AHNAK2: variants seen among roughly 807,000 people sequenced by gnomAD.
AHNAK2 encodes AHNAK nucleoprotein 2, also known as protein AHNAK2.
Under a neutral mutation model 30.7 loss-of-function variants are expected in AHNAK2, and 18 were observed. That is an observed-to-expected ratio of 0.59 (90% CI 0.41 to 0.87). AHNAK2 has a LOEUF of 0.87. Among genes scored for constraint, AHNAK2 ranks in the 40% least tolerant of loss-of-function variants. The pLI, the probability that AHNAK2 is intolerant of heterozygous loss-of-function variation, is 0.00. For missense variants in AHNAK2, 8,604 were observed against 7,373.0 expected, an observed-to-expected ratio of 1.17 and a Z score of -6.11; for synonymous variants, 3,590 against 3,073.8, an observed-to-expected ratio of 1.17 and a Z score of -5.56.
Position 104,948,555 on chromosome 14 carries a change from C to G in AHNAK2, c.6896G>C (p.Arg2299Pro). 6.2e-7 allele frequency: 1 copy of G among 1,612,036 alleles called. No homozygotes were observed. The highest frequency in any genetic ancestry group is 8.5e-7 in the Non-Finnish European group (1 of 1,179,602). ...KAPGAKLDGA[R>P]LEGDMSLADK... ...GGCCAGGGACATGTCCCCCTCCAGC[C>G]GCGCACCATCCAGCTTGGCTCCTGG... is the stretch of plus-strand genomic sequence containing the variant. The change falls in exon 7 of 7, where the codon CGG becomes CCG. Residue 2299 changes from arginine to proline, a missense_variant. Arg to Pro is a moderately radical substitution (Grantham distance 103). Coordinates refer to ENST00000333244, the MANE Select transcript of AHNAK2 (RefSeq NM_138420.4).
Position 104,954,061 on chromosome 14 carries a change from T to C in AHNAK2, c.1390A>G (p.Arg464Gly). Residue 464 changes from arginine to glycine, a missense_variant, in exon 7 of 7, where the codon AGA becomes GGA. Transcript: ENST00000333244. The surrounding 1 kb of genome is among the most constrained non-coding windows in gnomAD (Gnocchi z 4.3). ...GLQSLEIGIA[R>G]LSLRDTTEGG... ...TCGGTTGTGTCTCTCAAGGACAGTC[T>C]GGCGATCCCGATTTCCAGGCTCTGC... 2 of 1,613,472 alleles carry C rather than the reference T, an allele frequency of 1.2e-6. No homozygotes were observed. The highest frequency in any genetic ancestry group is 1.7e-6 in the Non-Finnish European group (2 of 1,179,774).
chr14:104,955,193 C>T, intron 5 of AHNAK2, 52 bp from the exon 6 acceptor site: 1 of 1,553,008 alleles, frequency 6.4e-7, no homozygotes, highest in South Asian at 1.2e-5. Context: ...GAGACGGGGT[C>T]TGCTGTCTTG....
rs1252671400 is a variant in AHNAK2 at position 104,946,909 on chromosome 14, T to A, written c.8542A>T (p.Ser2848Cys). 11 of 1,612,056 alleles carry A rather than the reference T, an allele frequency of 6.8e-6. No homozygotes were observed. The highest frequency in any genetic ancestry group is 7.6e-6 in the Non-Finnish European group (9 of 1,179,576). Residue 2848 changes from serine (S) to cysteine (C), a missense_variant, in exon 7 of 7, where the codon AGC (serine) becomes TGC (cysteine). Physicochemically the swap from Ser to Cys is moderately radical, Grantham distance 112. Coordinates refer to ENST00000333244, the MANE Select transcript of AHNAK2 (RefSeq NM_138420.4). The part of the protein sequence containing the change: ...VSELKVEADG[S>C]FPSMQGDLKT... Reference sequence around the variant, plus strand: ...AGATCCCCTTGCATGGAGGGGAAGCTCCCGTCAGCTTCCACCTTCAGCTCA... The same window carrying A: ...AGATCCCCTTGCATGGAGGGGAAGCACCCGTCAGCTTCCACCTTCAGCTCA...
rs898205079 is a variant in AHNAK2, at chr14:104,953,480, T to G, written c.1971A>C (p.Leu657Phe). 1.2e-6 allele frequency: 2 copies of G among 1,614,038 alleles called. No individual in the cohort carries two copies. Among genetic ancestry groups the G allele is most frequent in the Non-Finnish European group, 1.7e-6 (2 of 1,179,900 alleles). ...TTTCTGTCAGAATTTGTTCCTTTTT[T>G]AAGCGTTTTTCATCGTGTATTAGTT... The part of the protein sequence containing the change: ...KIQLIHDEKR[L>F]KKEQILTEKE... The change falls in exon 7 of 7, where the codon TTA (leucine) becomes TTC (phenylalanine). Residue 657 changes from leucine to phenylalanine, a missense_variant. Physicochemically the swap from Leu to Phe is conservative, Grantham distance 22. Coordinates refer to ENST00000333244, the MANE Select transcript of AHNAK2 (RefSeq NM_138420.4).
Position 104,943,556 on chromosome 14 carries a change from G to C in AHNAK2, c.11895C>G (p.Asp3965Glu), listed in dbSNP as rs201139339. Residue 3965 changes from aspartate (D) to glutamate (E), a missense_variant, in exon 7 of 7, where the codon GAC becomes GAG. Asp to Glu is a conservative substitution (Grantham distance 45). Coordinates refer to ENST00000333244, the MANE Select transcript of AHNAK2 (RefSeq NM_138420.4). ...TGAACTTGGGCATTTTGAACTTGCT[G>C]TCTTTGGCCGTCATGTCCTTGTCGG... ...SLADKDMTAK[D>E]SKFKMPKFKM... 5.6e-6 allele frequency: 9 copies of C among 1,612,754 alleles called. No individual in the cohort carries two copies. In the African/African-American group the frequency reaches 1.2e-4, roughly 22 times the overall value.
chr14:104,941,344 G>A lies in AHNAK2; in HGVS notation c.14107C>T (p.His4703Tyr), dbSNP rs1897978173. 3 of 1,613,386 alleles carry A rather than the reference G, an allele frequency of 1.9e-6. No individual in the cohort carries two copies. The East Asian group carries it at 6.7e-5, about 36-fold the overall frequency. The part of the protein sequence containing the change: ...VGMDSKFKKL[H>Y]FKVPKVSFSS... ...AATGAAACTTTGGGCACTTTAAAAT[G>A]CAGTTTCTTAAACTTCGAATCCATT... The change falls in exon 7 of 7, where the codon CAT becomes TAT. Residue 4703 changes from histidine (H) to tyrosine (Y), a missense_variant. Coordinates refer to ENST00000333244, the MANE Select transcript of AHNAK2 (RefSeq NM_138420.4).
chr14:104,967,880 C>T (rs1336225753), intron 1 of AHNAK2, among the ~76,000 whole-genome samples: 4 of 152,186 alleles, frequency 2.6e-5, no homozygotes, highest in East Asian at 1.9e-4. Flanking sequence ...CCAAGAGCAC[C>T]GCCTCCCAGG....
chr14:104,954,459 C>A lies in AHNAK2; in HGVS notation c.992G>T (p.Gly331Val), dbSNP rs1195088038. 2 of 1,612,812 alleles carry A rather than the reference C, an allele frequency of 1.2e-6. No homozygotes were observed. Among genetic ancestry groups the A allele is most frequent in the Non-Finnish European group, 1.7e-6 (2 of 1,179,604 alleles). ...TGTCGATGAAGGGCCCTGTCCCGAG[C>A]CTGTCCTGAATCTGAGGTTGAGGAA... ...RKFLNLRFRTGSGQGPSSTGQ... is the reference protein window; with the variant it reads ...RKFLNLRFRTVSGQGPSSTGQ... The change falls in exon 7 of 7, where the codon GGC becomes GTC. Residue 331 changes from glycine (G) to valine (V), a missense_variant. Coordinates refer to ENST00000333244, the MANE Select transcript of AHNAK2 (RefSeq NM_138420.4). The surrounding 1 kb of genome is among the most constrained non-coding windows in gnomAD (Gnocchi z 4.3).
chr14:104,947,349 G>T lies in AHNAK2; in HGVS notation c.8102C>A (p.Pro2701His), dbSNP rs377249696. 9 of 1,612,406 alleles carry T rather than the reference G, an allele frequency of 5.6e-6. No homozygotes were observed. The highest frequency in any genetic ancestry group is 1.3e-5 in the African/African-American group (1 of 74,190). The stretch of plus-strand genomic sequence containing the variant: ...AGCCTGGACCTCCAGTTGGGCAGAG[G>T]GGGGCTGAATGCTGATGTCAGTGGT... Reference protein sequence around the residue: ...LKTTDISIQPPSAQLEVQAGQ... With the variant: ...LKTTDISIQPHSAQLEVQAGQ... The change falls in exon 7 of 7, where the codon CCC (proline) becomes CAC (histidine). Residue 2701 changes from proline to histidine, a missense_variant. Transcript: ENST00000333244.
intron 1 of AHNAK2, among the ~76,000 whole-genome samples, chr14:104,959,236 G>T (rs1250388373): frequency 6.6e-6 from 1 of 152,156 alleles, no homozygotes; most frequent in Non-Finnish European, 1.5e-5. Flanking sequence ...GCAGTGGCAC[G>T]ATCTTGGTTC....
Position 104,944,790 on chromosome 14 carries a change from C to G in AHNAK2, c.10661G>C (p.Gly3554Ala). ...GGGCATCTCCACTTTGGGCAGGTGC[C>G]CTTTGAGGCCGGCTCCCTCGGGCAC... ...GPVPEGAGLK[G>A]HLPKVEMPSL... is the part of the protein sequence containing the mutation. Residue 3554 changes from glycine (G) to alanine (A), a missense_variant, in exon 7 of 7, where the codon GGG becomes GCG. Coordinates refer to ENST00000333244, the MANE Select transcript of AHNAK2 (RefSeq NM_138420.4). The G allele has an allele frequency of 6.2e-7, 1 of 1,610,044 alleles. No individual in the cohort carries two copies. Among genetic ancestry groups the G allele is most frequent in the Non-Finnish European group, 8.5e-7 (1 of 1,178,466 alleles).
chr14:104,947,350 G>T lies in AHNAK2; in HGVS notation c.8101C>A (p.Pro2701Thr). 1 of 1,612,602 alleles carries T rather than the reference G, an allele frequency of 6.2e-7. No homozygotes were observed. The highest frequency in any genetic ancestry group is 8.5e-7 in the Non-Finnish European group (1 of 1,179,586). The change falls in exon 7 of 7, where the codon CCC (proline) becomes ACC (threonine). Residue 2701 changes from proline to threonine, a missense_variant. Coordinates refer to ENST00000333244, the MANE Select transcript of AHNAK2 (RefSeq NM_138420.4). ...LKTTDISIQP[P>T]SAQLEVQAGQ... ...GCCTGGACCTCCAGTTGGGCAGAGG[G>T]GGGCTGAATGCTGATGTCAGTGGTC...
chr14:104,954,000 A>T lies in AHNAK2; in HGVS notation c.1451T>A (p.Val484Glu). The T allele has an allele frequency of 1.9e-6, 3 of 1,613,574 alleles. No individual in the cohort carries two copies. Among genetic ancestry groups the T allele is most frequent in the Non-Finnish European group, 2.5e-6 (3 of 1,179,836 alleles). Residue 484 changes from valine (V) to glutamate (E), a missense_variant, in exon 7 of 7, where the codon GTG (valine) becomes GAG (glutamate). Val to Glu is a moderately radical substitution (Grantham distance 121, BLOSUM62 -2). Coordinates refer to ENST00000333244, the MANE Select transcript of AHNAK2 (RefSeq NM_138420.4). ...GTQIGPPEIRVRVHDLKTPKF... is the reference protein window; with the variant it reads ...GTQIGPPEIRERVHDLKTPKF... ...TGGTGTCTTTAAATCGTGTACTCGCACCCTAATTTCTGGTGGGCCAATCTG... is the reference window on the plus strand; with the variant it reads ...TGGTGTCTTTAAATCGTGTACTCGCTCCCTAATTTCTGGTGGGCCAATCTG...
chr14:104,977,731 CG>C (rs1899631291), intron 1 of AHNAK2, among the ~76,000 whole-genome samples: 1 of 152,194 alleles, frequency 6.6e-6, no homozygotes, highest in Non-Finnish European at 1.5e-5. Flanking sequence ...GCAGGTGCCC[CG>C]GGTCCCGGCG....
intron 1 of AHNAK2, 92 bp downstream of exon 1, chr14:104,978,091 G>T (rs1899642147): frequency 1.9e-6 from 2 of 1,057,144 alleles, no homozygotes; most frequent in South Asian, 9.4e-5. Flanking sequence ...CCCAAGGCCC[G>T]CACTGCGCGC....
chr14:104,950,476 T>A lies in AHNAK2; in HGVS notation c.4975A>T (p.Lys1659Ter). 6.3e-7 allele frequency: 1 copy of A among 1,586,376 alleles called. No homozygotes were observed. The change falls in exon 7 of 7, where the codon AAA (lysine) becomes TAA (stop). Residue 1659 changes from lysine to a stop codon, truncating the protein, a stop_gained. Transcript: ENST00000333244. LOFTEE classifies it low-confidence loss of function (END_TRUNC). ...KAVTAKDSKF[K>*]MPKFKMPSFG... The stretch of plus-strand genomic sequence containing the variant: ...GATGGCATCTTGAACTTGGGCATTT[T>A]GAACTTGCTGTCTTTGGCAGTCACC...
Position 104,941,210 on chromosome 14 carries a change from T to C in AHNAK2, c.14241A>G (p.Gln4747=). The change falls in exon 7 of 7, where the codon CAA becomes CAG. Residue 4747 remains glutamine, a synonymous_variant. Coordinates refer to ENST00000333244, the MANE Select transcript of AHNAK2 (RefSeq NM_138420.4). The part of the protein sequence containing the change: ...SSSECSSFEL[Q]QVSACSEPSM... ...ATGGCTCTGAACAAGCCGAAACCTGTTGTAATTCAAAACTTGAGCATTCTG... is the reference window on the plus strand; with the variant it reads ...ATGGCTCTGAACAAGCCGAAACCTGCTGTAATTCAAAACTTGAGCATTCTG... 1 of 1,613,582 alleles carries C rather than the reference T, an allele frequency of 6.2e-7. No homozygotes were observed. Among genetic ancestry groups the C allele is most frequent in the Non-Finnish European group, 8.5e-7 (1 of 1,179,892 alleles).
In AHNAK2 at chr14:104,948,264, C is replaced by T. The variant is rs1192706974; in HGVS notation, c.7187G>A (p.Gly2396Asp). The T allele has an allele frequency of 5.6e-6, 9 of 1,612,210 alleles. No individual in the cohort carries two copies. The highest frequency in any genetic ancestry group is 2.7e-5 in the African/African-American group (2 of 74,350). ...CAGCTTGGGCAGGTGCCCTTTGAGG[C>T]CGGCTCCCTCCGGCACGGGGCCCTC... Reference protein sequence around the residue: ...LPEGPVPEGAGLKGHLPKLQM... With the variant: ...LPEGPVPEGADLKGHLPKLQM... The change falls in exon 7 of 7, where the codon GGC becomes GAC. Residue 2396 changes from glycine (G) to aspartate (D), a missense_variant. Gly to Asp is a moderately conservative substitution (Grantham distance 94). Transcript: ENST00000333244.
Position 104,947,150 on chromosome 14 carries a change from C to G in AHNAK2, c.8301G>C (p.Val2767=). ...GAGACATCTTCACATCGGGGGCTGT[C>G]ACTTCCGCCTTGGGGCCTTTCAGGT... ...NVDLKGPKAE[V]TAPDVKMSLS... The change falls in exon 7 of 7, where the codon GTG becomes GTC. Residue 2767 remains valine (V), a synonymous_variant. Coordinates refer to ENST00000333244, the MANE Select transcript of AHNAK2 (RefSeq NM_138420.4). 2 of 1,612,078 alleles carry G rather than the reference C, an allele frequency of 1.2e-6. No individual in the cohort carries two copies. Among genetic ancestry groups the G allele is most frequent in the South Asian group, 1.1e-5 (1 of 91,008 alleles).
Sources: gnomAD v4.1 joint callset for allele counts (sites outside exome capture counted in the v4.1 genomes callset) on GRCh38, gnomAD v4.1.1 for gene constraint, Gnocchi (gnomAD v3.1) non-coding constraint, MANE v1.5 for transcripts, NCBI Gene and HGNC (gene_info 2026-07-23, HGNC 2026-07-21) for gene names.